Variants in JAK2 observed in about 807,000 individuals in gnomAD.
JAK2 encodes tyrosine-protein kinase JAK2.
JAK2 carries 86 observed loss-of-function variants against 139.3 expected under a neutral mutation model. The ratio of observed to expected loss-of-function variants is 0.62; its 90% CI spans 0.52 to 0.74. JAK2 has a LOEUF of 0.74. JAK2 is among the 30% of genes least tolerant of loss of function. The pLI, the probability that JAK2 is intolerant of heterozygous loss-of-function variation, is 0.00. For missense variants in JAK2, 1,421 were observed against 1,360.3 expected, an observed-to-expected ratio of 1.04 and a Z score of -0.70; for synonymous variants, 490 against 437.7, an observed-to-expected ratio of 1.12 and a Z score of -1.49.
chr9:5,047,131 C>G (rs991963545), intron 5 of JAK2, among the ~76,000 whole-genome samples: 1 of 152,034 alleles, frequency 6.6e-6, no homozygotes, highest in African/African-American at 2.4e-5. Context: ...GTTTTTACTT[C>G]TCTAAATTTG....
At chr9:5,103,190 A>G (rs1476838326) in intron 22 of JAK2, among the ~76,000 whole-genome samples, 1 of 126,332 alleles carries the variant, frequency 7.9e-6, no homozygotes, top group African/African-American at 3.0e-5. Context: ...AAATAAAGGG[A>G]TGGAGGAAGA....
intron 22 of JAK2, among the ~76,000 whole-genome samples, chr9:5,119,689 G>A (rs1043000271): frequency 1.3e-5 from 2 of 152,052 alleles, no homozygotes; most frequent in South Asian, 2.1e-4. Context: ...AATGTGTTAG[G>A]GGGAGGTATG....
chr9:5,064,525 CAAAA>C (rs1381775824), intron 8 of JAK2, among the ~76,000 whole-genome samples: 1 of 84,684 alleles, frequency 1.2e-5, no homozygotes. Context: ...GCAAGACTCT[CAAAA>C]AAAAAAAAAA....
intron 2 of JAK2, among the ~76,000 whole-genome samples, chr9:4,995,516 C>G (rs1820510889): frequency 6.6e-6 from 1 of 152,198 alleles, no homozygotes; most frequent in Non-Finnish European, 1.5e-5. Flanking sequence ...GATAATCCTT[C>G]TTTTCTCTGC....
At chr9:4,987,588 T>C (rs1393739619) in intron 2 of JAK2, among the ~76,000 whole-genome samples, 2 of 150,936 alleles carry the variant, frequency 1.3e-5, no homozygotes, top group African/African-American at 4.9e-5. Flanking sequence ...ATACAAAAAT[T>C]AGCCGGGCGT....
At position 5,127,609 on chromosome 9, in the gene JAK2, T is replaced by C; in HGVS notation, c.*818T>C. 1 of 231,940 alleles carries C rather than the reference T, an allele frequency of 4.3e-6. No individual in the cohort carries two copies. 14.4% of individuals were successfully genotyped at this position (231,940 alleles called of 1,614,324 possible). A position where few individuals can be genotyped will look rare whatever the true frequency, so the allele number is the denominator to read the frequency against. Reference sequence around the variant, plus strand: ...TTTTTCTAAGACTACTATGAACAGTTTTCTTTTAAAATTTTGAGATTAAGA... The same window carrying C: ...TTTTTCTAAGACTACTATGAACAGTCTTCTTTTAAAATTTTGAGATTAAGA... On this transcript the variant is annotated 3_prime_UTR_variant, in exon 25 of 25. Coordinates refer to ENST00000381652, the MANE Select transcript of JAK2 (RefSeq NM_004972.4).
At chr9:5,122,782 A>T (rs767648314) in intron 22 of JAK2, among the ~76,000 whole-genome samples, 5 of 152,042 alleles carry the variant, frequency 3.3e-5, no homozygotes, top group Non-Finnish European at 7.4e-5. Context: ...CAATCTAGGC[A>T]TAGTGAGTCA....
At chr9:5,079,743 C>G (rs2130601126) in intron 16 of JAK2, among the ~76,000 whole-genome samples, 1 of 152,014 alleles carries the variant, frequency 6.6e-6, no homozygotes, top group South Asian at 2.1e-4. Flanking sequence ...TCACTTAAGC[C>G]CAAGAGGTCA....
rs28722716 is a variant in JAK2 at position 5,042,638 on chromosome 9, G to C, written c.351-1765G>C. 2.0e-3 allele frequency among the ~76,000 whole-genome samples: 301 copies of C among 151,950 alleles called. 1 individual carries two copies. The highest frequency in any genetic ancestry group is 6.9e-3 in the African/African-American group (285 of 41,374). ...GCCCCCGTTAGCGTCATAAAGTCCA[G>C]CTTGTCTCCCTCATCCAAAGGCCGT... is the stretch of plus-strand genomic sequence containing the variant. On this transcript the variant is annotated intron_variant, in intron 4 of 24. Coordinates refer to ENST00000381652, the MANE Select transcript of JAK2 (RefSeq NM_004972.4).
intron 19 of JAK2, chr9:5,084,983 C>A (rs970517874): frequency 1.3e-6 from 1 of 799,770 alleles, no homozygotes; most frequent in Admixed American, 1.8e-5. Flanking sequence ...CCAGAAAGAA[C>A]AGAAAGAGTT....
At chr9:5,013,526 C>G (rs2129983417) in intron 2 of JAK2, among the ~76,000 whole-genome samples, 1 of 152,306 alleles carries the variant, frequency 6.6e-6, no homozygotes, top group Admixed American at 6.5e-5. Flanking sequence ...AAGCACTGAC[C>G]TATCTGAACC....
chr9:4,991,785 G>A (rs1248309303), intron 2 of JAK2, among the ~76,000 whole-genome samples: 2 of 139,864 alleles, frequency 1.4e-5, no homozygotes, highest in African/African-American at 5.3e-5. Flanking sequence ...TATAATGAAT[G>A]AATTGTTTAG....
chr9:5,057,803 G>C (rs919630916), intron 8 of JAK2, among the ~76,000 whole-genome samples: 10 of 151,810 alleles, frequency 6.6e-5, no homozygotes, highest in African/African-American at 2.4e-4. Flanking sequence ...GGTTGGTCTT[G>C]AAGTCCTGAC....
At chr9:5,052,629 C>T (rs1364571145) in intron 6 of JAK2, among the ~76,000 whole-genome samples, 1 of 152,034 alleles carries the variant, frequency 6.6e-6, no homozygotes, top group Non-Finnish European at 1.5e-5. Flanking sequence ...ACCCCATGCC[C>T]ATTAGCATTC....
At chr9:5,002,045 A>G (rs957195242) in intron 2 of JAK2, among the ~76,000 whole-genome samples, 5 of 151,994 alleles carry the variant, frequency 3.3e-5, no homozygotes, top group Non-Finnish European at 5.9e-5. Flanking sequence ...TATGGGGCAC[A>G]TATTGGTAAT....
At chr9:4,989,167 G>A (rs543575681) in intron 2 of JAK2, among the ~76,000 whole-genome samples, 8 of 152,020 alleles carry the variant, frequency 5.3e-5, no homozygotes, top group Non-Finnish European at 1.2e-4. Context: ...ATCAATCCCT[G>A]CCCTATTTAT....
In JAK2 at chr9:5,129,419, G is replaced by A. The variant is rs986894273; in HGVS notation, c.*2628G>A. Reference sequence around the variant, plus strand: ...TACAACTGCTGTCAACCACTGTATTGTCTTTAATGAACACTGTTGTATCCC... The same window carrying A: ...TACAACTGCTGTCAACCACTGTATTATCTTTAATGAACACTGTTGTATCCC... On this transcript the variant is annotated 3_prime_UTR_variant, in exon 25 of 25. Coordinates refer to ENST00000381652, the MANE Select transcript of JAK2 (RefSeq NM_004972.4). Among the ~76,000 whole-genome samples the A allele has an allele frequency of 1.3e-5, 2 of 152,160 alleles. No individual in the cohort carries two copies. The highest frequency in any genetic ancestry group is 2.1e-4 in the South Asian group (1 of 4,826).
rs2130675812 is a variant in JAK2 at position 5,089,826 on chromosome 9, C to A, written c.2724C>A (p.Asp908Glu). 12 of 1,588,560 alleles carry A rather than the reference C, an allele frequency of 7.6e-6. No homozygotes were observed. Among genetic ancestry groups the A allele is most frequent in the Non-Finnish European group, 9.4e-6 (11 of 1,168,198 alleles). Residue 908 changes from aspartate (D) to glutamate (E), a missense_variant, in exon 20 of 25, where the codon GAC becomes GAA. By Grantham distance (45) the Asp-to-Glu change is conservative. Coordinates refer to ENST00000381652, the MANE Select transcript of JAK2 (RefSeq NM_004972.4). ...AAATCCTGAAATCCCTACAGCATGACAACATTGTAAAGTACAAGGGAGTGT... is the reference window on the plus strand; with the variant it reads ...AAATCCTGAAATCCCTACAGCATGAAAACATTGTAAAGTACAAGGGAGTGT... Reference protein sequence around the residue: ...EIEILKSLQHDNIVKYKGVCY... With the variant: ...EIEILKSLQHENIVKYKGVCY...
chr9:5,062,500 T>TAAAAAAAAAAAAAAAAAAAAAAAAAA lies in JAK2; in HGVS notation c.1057-2377_1057-2352dup, dbSNP rs58424625. On this transcript the variant is annotated intron_variant, in intron 8 of 24. Coordinates refer to ENST00000381652, the MANE Select transcript of JAK2 (RefSeq NM_004972.4). ...AAGTTTGTCAGAAACCTTCCATTTG[T>TAAAAAAAAAAAAAAAAAAAAAAAAAA]AAAAAAAAAAAAAAAAAAAAAAAAA... Among the ~76,000 whole-genome samples, 9 of 58,244 alleles carry TAAAAAAAAAAAAAAAAAAAAAAAAAA rather than the reference T, an allele frequency of 1.5e-4. 3 individuals carry two copies. The highest frequency in any genetic ancestry group is 9.4e-4 in the African/African-American group (9 of 9,594). 38.2% of individuals were successfully genotyped at this position (58,244 alleles called of 152,430 possible). A position where few individuals can be genotyped will look rare whatever the true frequency, so the allele number is the denominator to read the frequency against.
Sources: allele counts gnomAD v4.1 joint callset (sites outside exome capture counted in the v4.1 genomes callset), GRCh38; gene constraint gnomAD v4.1.1; transcripts MANE v1.5; gene names NCBI Gene and HGNC (gene_info 2026-07-23, HGNC 2026-07-21).